The following ELMO1 variants were observed in gnomAD, a reference collection of about 807,000 sequenced individuals.
The protein encoded by ELMO1 is engulfment and cell motility 1, also known as engulfment and cell motility protein 1.
ELMO1 carries 26 observed loss-of-function variants against 98.9 expected under a neutral mutation model. The ratio of observed to expected loss-of-function variants is 0.26; its 90% confidence interval spans 0.19 to 0.36. The LOEUF (loss-of-function observed/expected upper bound fraction) is 0.36, where lower values mean the gene tolerates loss of function less well. ELMO1 is among the 10% of genes least tolerant of loss of function. The probability of loss-of-function intolerance (pLI) is 1.00; values close to 1 mark genes in which losing one functional copy is unlikely to be tolerated. For synonymous variants in ELMO1, 346 were observed against 346.0 expected (o/e 1.00, Z 0.00); for missense variants, 627 against 935.2 (o/e 0.67, Z 4.30).
In ELMO1 at chr7:36,894,977, G is replaced by T. The variant is rs372182988; in HGVS notation, c.1478C>A (p.Thr493Lys). The change falls in exon 17 of 22, where the codon ACA becomes AAA. Residue 493 changes from threonine (T) to lysine (K), a missense_variant. Physicochemically the swap from Thr to Lys is moderately conservative, Grantham distance 78. Transcript: ENST00000310758. Reference sequence around the variant, plus strand: ...CTGGTCCAGGGAGCTAGGCTTGGTTGTAAGTGCTCTCATAACCTGCTCCTT... The same window carrying T: ...CTGGTCCAGGGAGCTAGGCTTGGTTTTAAGTGCTCTCATAACCTGCTCCTT... ...VVKEQVMRAL[T>K]TKPSSLDQFK... 1.4e-5 allele frequency: 23 copies of T among 1,614,018 alleles called. No homozygotes were observed. Among genetic ancestry groups the T allele is most frequent in the Non-Finnish European group, 1.9e-5 (23 of 1,180,002 alleles).
intron 6 of ELMO1, among the ~76,000 whole-genome samples, chr7:37,250,876 GC>G (rs1795309705): frequency 6.6e-6 from 1 of 151,160 alleles, no homozygotes. Context: ...TGACTTTCCT[GC>G]CCAGGGTGGT....
intron 16 of ELMO1, among the ~76,000 whole-genome samples, chr7:36,896,280 T>G (rs954176672): frequency 6.6e-6 from 1 of 152,200 alleles, no homozygotes; most frequent in African/African-American, 2.4e-5. Flanking sequence ...GTCACATATA[T>G]GTAGTTGAAT....
chr7:37,418,887 G>A (rs1009482541), intron 1 of ELMO1, among the ~76,000 whole-genome samples: 1 of 152,158 alleles, frequency 6.6e-6, no homozygotes, highest in African/African-American at 2.4e-5. Context: ...CAGCTCTCAG[G>A]GTGCTGCAGA....
At chr7:37,426,649 A>G (rs1804722395) in intron 1 of ELMO1, among the ~76,000 whole-genome samples, 1 of 152,192 alleles carries the variant, frequency 6.6e-6, no homozygotes, top group Non-Finnish European at 1.5e-5. Context: ...ACCAACAGGT[A>G]AACTCTGGCA....
intron 1 of ELMO1, among the ~76,000 whole-genome samples, chr7:37,346,221 TTG>T (rs1801002808): frequency 6.6e-6 from 1 of 152,140 alleles, no homozygotes; most frequent in Non-Finnish European, 1.5e-5. Context: ...ACCTCTTGGT[TTG>T]TGACTTCTAA....
intron 16 of ELMO1, among the ~76,000 whole-genome samples, chr7:36,967,629 G>A (rs544666418): frequency 4.6e-5 from 7 of 152,314 alleles, no homozygotes; most frequent in Admixed American, 2.0e-4. Flanking sequence ...AGAGAAATCC[G>A]TGTCCCTGGA....
intron 16 of ELMO1, among the ~76,000 whole-genome samples, chr7:37,010,724 G>A (rs1793484659): frequency 1.3e-5 from 2 of 152,192 alleles, no homozygotes; most frequent in Non-Finnish European, 2.9e-5. Context: ...ACTATGAACT[G>A]TAAGATAAAT....
chr7:37,443,823 G>T (rs1805506981), intron 1 of ELMO1, among the ~76,000 whole-genome samples: 1 of 152,200 alleles, frequency 6.6e-6, no homozygotes, highest in Non-Finnish European at 1.5e-5. Flanking sequence ...GGCTTTCATG[G>T]CCACACACAT....
chr7:37,331,333 CTT>C (rs776303689), intron 2 of ELMO1, among the ~76,000 whole-genome samples: 3 of 28,716 alleles, frequency 1.0e-4, no homozygotes, highest in East Asian at 9.5e-4. Context: ...CCACGCCTGG[CTT>C]TTTTTTTTTT....
intron 13 of ELMO1, among the ~76,000 whole-genome samples, chr7:37,154,911 G>A (rs987853871): frequency 6.6e-6 from 1 of 152,184 alleles, no homozygotes. Context: ...GGCAGCCAGA[G>A]AGAAAGGTCA....
intron 17 of ELMO1, among the ~76,000 whole-genome samples, chr7:36,892,555 A>G (rs553301155): frequency 1.3e-5 from 2 of 152,310 alleles, no homozygotes; most frequent in South Asian, 4.1e-4. Flanking sequence ...TGTTTGTGAA[A>G]TGAAAAAATG....
At chr7:37,046,060 C>T (rs982060628) in intron 15 of ELMO1, among the ~76,000 whole-genome samples, 2 of 152,152 alleles carry the variant, frequency 1.3e-5, no homozygotes, top group Non-Finnish European at 2.9e-5. Flanking sequence ...AAATCTAAAT[C>T]AATCCTAAGT....
chr7:36,881,265 T>G (rs1804430784), intron 18 of ELMO1, among the ~76,000 whole-genome samples: 2 of 152,228 alleles, frequency 1.3e-5, no homozygotes, highest in African/African-American at 4.8e-5. Context: ...GTTGTGTATT[T>G]CTGTCTTGAA....
chr7:37,421,441 C>G (rs949988279), intron 1 of ELMO1, among the ~76,000 whole-genome samples: 1 of 152,204 alleles, frequency 6.6e-6, no homozygotes, highest in Non-Finnish European at 1.5e-5. Flanking sequence ...TGCTCTATAT[C>G]CAACAACTTC....
At chr7:37,019,446 A>G (rs549151640) in intron 15 of ELMO1, among the ~76,000 whole-genome samples, 10 of 152,332 alleles carry the variant, frequency 6.6e-5, no homozygotes, top group South Asian at 6.2e-4. Flanking sequence ...TGACTAAGAC[A>G]GCAAGCTCAA....
chr7:37,428,266 G>C (rs1277362000), intron 1 of ELMO1, among the ~76,000 whole-genome samples: 2 of 151,880 alleles, frequency 1.3e-5, no homozygotes, highest in South Asian at 2.1e-4. Context: ...AAAAAAAACT[G>C]AGTGATCACT....
intron 1 of ELMO1, among the ~76,000 whole-genome samples, chr7:37,367,184 G>A (rs1801939812): frequency 6.6e-6 from 1 of 152,100 alleles, no homozygotes; most frequent in Admixed American, 6.5e-5. Flanking sequence ...CTGTATTTGG[G>A]ACTCAGACCA....
At chr7:36,921,314 T>C (rs999060954) in intron 16 of ELMO1, among the ~76,000 whole-genome samples, 2 of 152,226 alleles carry the variant, frequency 1.3e-5, no homozygotes, top group African/African-American at 4.8e-5. Flanking sequence ...CTTCTGCCTT[T>C]GGAACCTGGC....
chr7:36,894,103 T>G (rs568541728), intron 17 of ELMO1, among the ~76,000 whole-genome samples: 13 of 152,270 alleles, frequency 8.5e-5, no homozygotes, highest in African/African-American at 3.1e-4. Flanking sequence ...CTTTAAAATA[T>G]ACGGGTAACA....
Sources: gnomAD v4.1 joint callset for allele counts (sites outside exome capture counted in the v4.1 genomes callset) on GRCh38, gnomAD v4.1.1 for gene constraint, MANE v1.5 for transcripts, NCBI Gene and HGNC (gene_info 2026-07-23, HGNC 2026-07-21) for gene names.